Variants in PSAP observed in about 807,000 individuals in gnomAD.
The protein encoded by PSAP is prosaposin.
In PSAP, 25 loss-of-function variants were observed where a neutral mutation model predicts 66.0. The observed-to-expected ratio is 0.38, with a 90% CI of 0.28 to 0.53. The LOEUF (loss-of-function observed/expected upper bound fraction) is 0.53. PSAP is among the 20% of genes least tolerant of loss of function. The pLI is 0.83. For synonymous variants in PSAP, 273 were observed against 258.9 expected, an observed-to-expected ratio of 1.05 and a Z score of -0.52; for missense variants, 649 against 668.8, an observed-to-expected ratio of 0.97 and a Z score of 0.33.
rs771554601 is a variant in PSAP at position 71,828,903 on chromosome 10, C to T, written c.550G>A (p.Gly184Ser). 5.5e-5 allele frequency: 89 copies of T among 1,614,028 alleles called. No homozygotes were observed. Among genetic ancestry groups the T allele is most frequent in the African/African-American group, 9.3e-5 (7 of 74,992 alleles). Residue 184 changes from glycine (G) to serine (S), a missense_variant, in exon 5 of 14, where the codon GGC (glycine) becomes AGC (serine). Coordinates refer to ENST00000394936, the MANE Select transcript of PSAP (RefSeq NM_002778.4). ...NIPLLLYPQDGPRSKPQPKDN... is the reference protein window; with the variant it reads ...NIPLLLYPQDSPRSKPQPKDN... ...TTTGGCTGGGGCTTGCTGCGGGGGC[C>T]GTCCTGAGGGTAGAGGAGGAGAGGG...
At chr10:71,824,084 G>C (rs1842356796) in intron 7 of PSAP, among the ~76,000 whole-genome samples, 1 of 152,186 alleles carries the variant, frequency 6.6e-6, no homozygotes, top group African/African-American at 2.4e-5. Flanking sequence ...TGCGGACAAG[G>C]GGGCCCTGAA....
chr10:71,837,962 CA>C (rs1188683559), intron 1 of PSAP, among the ~76,000 whole-genome samples: 1 of 152,196 alleles, frequency 6.6e-6, no homozygotes, highest in Non-Finnish European at 1.5e-5. Flanking sequence ...GGAATGGTCT[CA>C]CCTGCCCCAC....
chr10:71,822,198 G>A (rs908069274), intron 7 of PSAP, 191 bp from the exon 8 acceptor site: 3 of 706,418 alleles, frequency 4.2e-6, no homozygotes, highest in African/African-American at 1.8e-5. Flanking sequence ...CAGTGCATAT[G>A]TGCCAGTTAC....
intron 2 of PSAP, among the ~76,000 whole-genome samples, chr10:71,832,542 G>C (rs1218791113): frequency 6.6e-6 from 1 of 152,154 alleles, no homozygotes; most frequent in African/African-American, 2.4e-5. Context: ...GTGAGACTGA[G>C]GAACACCTAT....
At chr10:71,850,330 T>C (rs1662844231) in intron 1 of PSAP, among the ~76,000 whole-genome samples, 2 of 152,366 alleles carry the variant, frequency 1.3e-5, no homozygotes, top group Admixed American at 1.3e-4. Context: ...CAATCCTTTA[T>C]CTTAACTTGA....
At chr10:71,822,974 T>TA (rs1279254753) in intron 7 of PSAP, among the ~76,000 whole-genome samples, 1 of 146,044 alleles carries the variant, frequency 6.8e-6, no homozygotes, top group Admixed American at 6.8e-5. Flanking sequence ...AATAAATAAA[T>TA]AATAAGAACG....
intron 6 of PSAP, among the ~76,000 whole-genome samples, chr10:71,826,384 C>T (rs550036470): frequency 6.6e-6 from 1 of 152,242 alleles, no homozygotes; most frequent in South Asian, 2.1e-4. Context: ...CAGTAGACTC[C>T]ACAGAATTGC....
At chr10:71,827,497 C>A (rs993280293) in intron 6 of PSAP, among the ~76,000 whole-genome samples, 5 of 151,730 alleles carry the variant, frequency 3.3e-5, no homozygotes, top group African/African-American at 1.2e-4. Context: ...GAGGCTGAAG[C>A]GGGCAGATCA....
At chr10:71,822,356 GTA>G (rs1842320459) in intron 7 of PSAP, among the ~76,000 whole-genome samples, 1 of 152,178 alleles carries the variant, frequency 6.6e-6, no homozygotes, top group Non-Finnish European at 1.5e-5. Context: ...GTCACTCTAG[GTA>G]GGAACTAAGC....
In PSAP at chr10:71,830,245, A is replaced by C. The variant is rs370143903; in HGVS notation, c.375+881T>G. Among the ~76,000 whole-genome samples, 5 of 152,178 alleles carry C rather than the reference A, an allele frequency of 3.3e-5. No homozygotes were observed. In the East Asian group the frequency reaches 9.6e-4, roughly 29 times the overall value. ...CAAATAACTCCACCTTTATCTTCTC[A>C]GAAACCAGGGAGACATTTATAGCTC... On this transcript the variant is annotated intron_variant, in intron 4 of 13. Transcript: ENST00000394936.
chr10:71,847,407 G>A (rs1842842051), intron 1 of PSAP, among the ~76,000 whole-genome samples: 1 of 152,138 alleles, frequency 6.6e-6, no homozygotes, highest in African/African-American at 2.4e-5. Context: ...GATTTTATAG[G>A]CATGGTGGTG....
In PSAP at chr10:71,818,395, T is replaced by A. The variant is rs762573; in HGVS notation, c.1539+222A>T. On this transcript the variant is annotated intron_variant, in intron 13 of 13. Transcript: ENST00000394936. ...AGAAGCAAAAAAATACTAAAAAAAA[T>A]AAATAAATAAAATCCACCCCACCCT... is the stretch of plus-strand genomic sequence containing the variant. 0.13 allele frequency among the ~76,000 whole-genome samples: 20,282 copies of A among 151,848 alleles called. 1,655 individuals carry two copies. Among genetic ancestry groups the A allele is most frequent in the East Asian group, 0.36 (1,864 of 5,154 alleles).
chr10:71,817,974 C>A (rs992019675), intron 13 of PSAP, among the ~76,000 whole-genome samples: 4 of 152,222 alleles, frequency 2.6e-5, no homozygotes, highest in Admixed American at 6.5e-5. Context: ...AGAATGGGGG[C>A]CCCCTGCCCC....
chr10:71,844,036 G>A (rs547461800), intron 1 of PSAP, among the ~76,000 whole-genome samples: 1 of 152,246 alleles, frequency 6.6e-6, no homozygotes, highest in East Asian at 1.9e-4. Flanking sequence ...TTACCTCTAG[G>A]ATATATTGTT....
intron 2 of PSAP, 76 bp downstream of exon 2, chr10:71,834,296 T>A (rs1459825733): frequency 1.2e-6 from 2 of 1,604,034 alleles, no homozygotes; most frequent in South Asian, 1.1e-5. Flanking sequence ...TCTGTCAATA[T>A]GGCAGTGAGT....
At chr10:71,850,996 G>GC (rs1457380462) in intron 1 of PSAP, among the ~76,000 whole-genome samples, 186 bp downstream of exon 1, 3 of 152,198 alleles carry the variant, frequency 2.0e-5, no homozygotes, top group Non-Finnish European at 4.4e-5. Flanking sequence ...TTCGCAGCCC[G>GC]CCCCCCGCAG....
chr10:71,826,805 C>T (rs1249842615), intron 6 of PSAP, among the ~76,000 whole-genome samples: 5 of 151,876 alleles, frequency 3.3e-5, no homozygotes, highest in African/African-American at 4.8e-5. Context: ...CAAAAAGCCT[C>T]GCTAGATCCC....
intron 2 of PSAP, among the ~76,000 whole-genome samples, chr10:71,833,637 G>A (rs929080506): frequency 3.9e-5 from 6 of 152,294 alleles, no homozygotes; most frequent in South Asian, 2.1e-4. Context: ...CATGATGGCC[G>A]GCACAGCCCC....
intron 5 of PSAP, 115 bp from the exon 6 acceptor site, chr10:71,828,272 G>T: frequency 9.6e-7 from 1 of 1,042,272 alleles, no homozygotes; most frequent in Non-Finnish European, 1.5e-6. Context: ...TTCCTAAGAT[G>T]CTTTACAGGC....
Sources: allele counts gnomAD v4.1 joint callset (sites outside exome capture counted in the v4.1 genomes callset), GRCh38; gene constraint gnomAD v4.1.1; transcripts MANE v1.5; gene names NCBI Gene and HGNC (gene_info 2026-07-23, HGNC 2026-07-21).